The following CCDC178 variants were observed in gnomAD, a reference collection of about 807,000 sequenced individuals.
CCDC178 encodes the protein coiled-coil domain-containing protein 178.
CCDC178 carries 126 observed loss-of-function variants against 117.4 expected under a neutral mutation model. The observed-to-expected ratio is 1.07, with a 90% CI of 0.93 to 1.24. The LOEUF is 1.24. Ranked by LOEUF, CCDC178 falls within the 50% of genes most tolerant of loss-of-function variation. CCDC178 has a pLI of 0.00. For missense variants in CCDC178, 1,030 were observed against 986.9 expected, an observed-to-expected ratio of 1.04 and a Z score of -0.59; for synonymous variants, 283 against 313.4, an observed-to-expected ratio of 0.90 and a Z score of 1.02.
At chr18:33,219,508 A>G (rs1469085398) in intron 18 of CCDC178, among the ~76,000 whole-genome samples, 1 of 152,166 alleles carries the variant, frequency 6.6e-6, no homozygotes, top group Admixed American at 6.6e-5. Flanking sequence ...TCACAATAGC[A>G]AAGACTTGGA....
chr18:33,440,760 G>C (rs2064377096), upstream of CCDC178: 1 of 154,358 alleles, frequency 6.5e-6, no homozygotes, highest in Admixed American at 6.5e-5. Flanking sequence ...AGGCAACCGC[G>C]GGGGCGGCGG....
chr18:33,211,011 G>A (rs2144587259), intron 20 of CCDC178, among the ~76,000 whole-genome samples: 1 of 151,840 alleles, frequency 6.6e-6, no homozygotes, highest in African/African-American at 2.4e-5. Context: ...TTAAAAAAAA[G>A]TTCTCACACG....
chr18:33,340,812 C>T (rs1599187463), intron 9 of CCDC178, among the ~76,000 whole-genome samples: 1 of 152,154 alleles, frequency 6.6e-6, no homozygotes, highest in East Asian at 1.9e-4. Flanking sequence ...TATGGAAATG[C>T]CTGGATGTCC....
intron 21 of CCDC178, among the ~76,000 whole-genome samples, chr18:33,026,424 C>T (rs1308173115): frequency 6.6e-6 from 1 of 151,892 alleles, no homozygotes; most frequent in Non-Finnish European, 1.5e-5. Flanking sequence ...ACTAAAAATA[C>T]CTCGGAATAA....
At chr18:33,425,713 T>C (rs963271303) in intron 2 of CCDC178, among the ~76,000 whole-genome samples, 1 of 152,106 alleles carries the variant, frequency 6.6e-6, no homozygotes. Context: ...GCTACATTCA[T>C]GGATGGGGTG....
intron 18 of CCDC178, among the ~76,000 whole-genome samples, chr18:33,221,795 A>G (rs1357670060): frequency 6.6e-6 from 1 of 152,096 alleles, no homozygotes; most frequent in African/African-American, 2.4e-5. Flanking sequence ...TGACAACTAA[A>G]TAAAGGCTTT....
chr18:33,146,925 A>G (rs1598930761), intron 20 of CCDC178, among the ~76,000 whole-genome samples: 1 of 152,298 alleles, frequency 6.6e-6, no homozygotes, highest in East Asian at 1.9e-4. Flanking sequence ...TTACATGATT[A>G]TTTCAGCCTT....
At chr18:33,108,800 A>G (rs535203928) in intron 20 of CCDC178, among the ~76,000 whole-genome samples, 5 of 151,852 alleles carry the variant, frequency 3.3e-5, no homozygotes, top group Admixed American at 2.0e-4. Context: ...TTTTAAAAAA[A>G]GTGTGTACTT....
intron 15 of CCDC178, among the ~76,000 whole-genome samples, chr18:33,236,023 A>G (rs1165000826): frequency 6.6e-6 from 1 of 152,192 alleles, no homozygotes; most frequent in Non-Finnish European, 1.5e-5. Flanking sequence ...CTTGTTCAGG[A>G]TTGCTTCTAC....
At chr18:33,230,246 CTG>C (rs111674114) in intron 15 of CCDC178, among the ~76,000 whole-genome samples, 14,314 of 147,084 alleles carry the variant, frequency 0.097, 870 homozygotes, top group African/African-American at 0.19. Flanking sequence ...AACTCAGAGG[CTG>C]TGTGTGTGTG....
At chr18:33,333,505 A>AT in intron 9 of CCDC178, 111 bp from the exon 10 acceptor site, 2 of 356,900 alleles carry the variant, frequency 5.6e-6, no homozygotes, top group Non-Finnish European at 9.3e-6. Context: ...GAATCTTACT[A>AT]CTTTTTTTTT....
intron 12 of CCDC178, 58 bp from the exon 13 acceptor site, chr18:33,267,355 G>T: frequency 3.2e-6 from 3 of 948,426 alleles, no homozygotes; most frequent in South Asian, 1.9e-5. Flanking sequence ...CCTTCCATAA[G>T]GTAAAAAATA....
intron 12 of CCDC178, among the ~76,000 whole-genome samples, chr18:33,269,422 TGAGAA>T (rs1338352417): frequency 2.6e-5 from 4 of 151,768 alleles, no homozygotes; most frequent in Admixed American, 2.0e-4. Context: ...TGGAAATACC[TGAGAA>T]GCTATTTAAC....
chr18:33,093,203 C>T (rs1479585583), intron 20 of CCDC178, among the ~76,000 whole-genome samples: 2 of 151,910 alleles, frequency 1.3e-5, no homozygotes, highest in Non-Finnish European at 2.9e-5. Flanking sequence ...CTGAACTTCC[C>T]TCTATCATGC....
chr18:33,241,004 C>T lies in CCDC178; in HGVS notation c.1593+4241G>A, dbSNP rs181742966. On this transcript the variant is annotated intron_variant, in intron 15 of 22. Transcript: ENST00000383096. ...CATCAAAAAGATATTACACCATAAT[C>T]AAGTGAAATTTATCCAGGAATGAAA... Among the ~76,000 whole-genome samples, 474 of 151,944 alleles carry T rather than the reference C, an allele frequency of 3.1e-3. 4 individuals carry two copies. The highest frequency in any genetic ancestry group is 0.011 in the African/African-American group (457 of 41,472).
chr18:33,198,034 G>C (rs560404628), intron 20 of CCDC178, among the ~76,000 whole-genome samples: 18 of 152,238 alleles, frequency 1.2e-4, no homozygotes, highest in African/African-American at 4.3e-4. Context: ...CCCTCAGGAA[G>C]TCAGGTATAC....
intron 2 of CCDC178, among the ~76,000 whole-genome samples, chr18:33,433,620 T>C (rs946623830): frequency 6.6e-6 from 1 of 152,104 alleles, no homozygotes; most frequent in African/African-American, 2.4e-5. Flanking sequence ...TAAAGAAGAA[T>C]AGAGTGAAGT....
intron 14 of CCDC178, among the ~76,000 whole-genome samples, chr18:33,255,782 G>A (rs960829321): frequency 6.6e-5 from 10 of 151,978 alleles, no homozygotes; most frequent in African/African-American, 2.4e-4. Flanking sequence ...GTATAAATGG[G>A]CTGAGATTAG....
At position 33,333,413 on chromosome 18, in the gene CCDC178, G is replaced by A; in HGVS notation, c.659-19C>T. 3 of 1,235,930 alleles carry A rather than the reference G, an allele frequency of 2.4e-6. No individual in the cohort carries two copies. The highest frequency in any genetic ancestry group is 1.7e-5 in the South Asian group (1 of 59,068). 76.6% of individuals were successfully genotyped at this position (1,235,930 alleles called of 1,614,324 possible). A position where few individuals can be genotyped will look rare whatever the true frequency, so the allele number is the denominator to read the frequency against. ...TCATGTTCTAGATATAGAAGGATAAGAACAAAAGAAAATCTGATTGGAGGA... is the reference window on the plus strand; with the variant it reads ...TCATGTTCTAGATATAGAAGGATAAAAACAAAAGAAAATCTGATTGGAGGA... On this transcript the variant is annotated intron_variant, in intron 9 of 22. Transcript: ENST00000383096.
Sources: gnomAD v4.1 joint callset for allele counts (sites outside exome capture counted in the v4.1 genomes callset) on GRCh38, gnomAD v4.1.1 for gene constraint, MANE v1.5 for transcripts, NCBI Gene and HGNC (gene_info 2026-07-23, HGNC 2026-07-21) for gene names.